Variants in ZNF385D observed in about 807,000 individuals in gnomAD.
The protein encoded by ZNF385D is zinc finger protein 659.
ZNF385D carries 15 observed loss-of-function variants against 35.8 expected under a neutral mutation model. The ratio of observed to expected loss-of-function variants is 0.42; its 90% CI spans 0.28 to 0.64. ZNF385D has a LOEUF of 0.64. ZNF385D is among the 30% of genes least tolerant of loss of function. The pLI is 0.23. For missense variants in ZNF385D, 474 were observed against 494.6 expected (o/e 0.96, Z 0.39); for synonymous variants, 212 against 186.8 (o/e 1.13, Z -1.10).
chr3:21,922,158 T>C (rs1461369432), intron 3 of ZNF385D, among the ~76,000 whole-genome samples: 1 of 151,752 alleles, frequency 6.6e-6, no homozygotes, highest in Admixed American at 6.6e-5. Flanking sequence ...AATGGAAAAA[T>C]AGTCCATGCT....
At chr3:21,693,035 T>A (rs967201275) in intron 1 of ZNF385D, among the ~76,000 whole-genome samples, 2 of 152,236 alleles carry the variant, frequency 1.3e-5, no homozygotes, top group Admixed American at 1.3e-4. Flanking sequence ...TTTCCAGTTA[T>A]ATTTGTGGCA....
At chr3:21,781,450 T>G (rs1165878981) in intron 3 of ZNF385D, among the ~76,000 whole-genome samples, 2 of 152,074 alleles carry the variant, frequency 1.3e-5, no homozygotes, top group Non-Finnish European at 2.9e-5. Flanking sequence ...AAACATTAAA[T>G]GTATCAAAGA....
At chr3:21,605,814 C>T (rs28500731) in intron 2 of ZNF385D, among the ~76,000 whole-genome samples, 1,672 of 151,834 alleles carry the variant, frequency 0.011, 31 homozygotes, top group African/African-American at 0.037. Flanking sequence ...AGATTCTTAC[C>T]CTGATCTTTA....
intron 3 of ZNF385D, among the ~76,000 whole-genome samples, chr3:21,921,619 GAA>G (rs1405233823): frequency 6.6e-6 from 1 of 151,764 alleles, no homozygotes; most frequent in East Asian, 1.9e-4. Flanking sequence ...AGTAGATGGA[GAA>G]AACACCTAAA....
At chr3:21,549,988 G>GC (rs1390202705) in intron 3 of ZNF385D, among the ~76,000 whole-genome samples, 1 of 152,086 alleles carries the variant, frequency 6.6e-6, no homozygotes, top group African/African-American at 2.4e-5. Flanking sequence ...TGCAACTGAG[G>GC]CCCTCAAAAT....
intron 3 of ZNF385D, among the ~76,000 whole-genome samples, chr3:21,918,511 A>G (rs1198775581): frequency 6.6e-6 from 1 of 152,064 alleles, no homozygotes; most frequent in Non-Finnish European, 1.5e-5. Flanking sequence ...TGAATGATAT[A>G]TTTTCATTAC....
chr3:22,169,810 T>A (rs1313313198), intron 2 of ZNF385D, among the ~76,000 whole-genome samples: 1 of 152,178 alleles, frequency 6.6e-6, no homozygotes. Context: ...TATTTCTTTA[T>A]TTGAGACAGG....
intron 3 of ZNF385D, among the ~76,000 whole-genome samples, chr3:21,920,264 A>T (rs1271089533): frequency 6.6e-6 from 1 of 152,168 alleles, no homozygotes; most frequent in African/African-American, 2.4e-5. Flanking sequence ...TTGTGACTTA[A>T]CACTATGACC....
chr3:22,230,238 C>T (rs146326608), intron 2 of ZNF385D, among the ~76,000 whole-genome samples: 1 of 152,280 alleles, frequency 6.6e-6, no homozygotes, highest in African/African-American at 2.4e-5. Flanking sequence ...ACCAACAGAA[C>T]TGACCTAAAC....
chr3:21,603,883 G>T (rs904434627), intron 2 of ZNF385D, among the ~76,000 whole-genome samples: 7 of 152,166 alleles, frequency 4.6e-5, no homozygotes, highest in Admixed American at 4.6e-4. Context: ...ACATGGTAGG[G>T]AGGCATAGCC....
At chr3:21,540,230 A>C (rs796869120) in intron 3 of ZNF385D, among the ~76,000 whole-genome samples, 6 of 152,200 alleles carry the variant, frequency 3.9e-5, no homozygotes, top group African/African-American at 1.4e-4. Flanking sequence ...ACAATATAGC[A>C]CAAACAATCA....
At chr3:22,293,900 T>C (rs559249393) in intron 2 of ZNF385D, among the ~76,000 whole-genome samples, 225 of 152,266 alleles carry the variant, frequency 1.5e-3, no homozygotes, top group Admixed American at 2.6e-3. Flanking sequence ...AGCACTGGTC[T>C]TAGGGTTCAT....
At chr3:21,953,445 G>C (rs1002406221) in intron 3 of ZNF385D, among the ~76,000 whole-genome samples, 1 of 151,580 alleles carries the variant, frequency 6.6e-6, no homozygotes, top group Non-Finnish European at 1.5e-5. Context: ...TGCTATATTT[G>C]AAACTTCCTG....
rs185632290 is a variant in ZNF385D, at chr3:22,226,197, A to G, written c.107-57162T>C. 7.4e-3 allele frequency among the ~76,000 whole-genome samples: 860 copies of G among 116,686 alleles called. 5 individuals are homozygous for G. Among genetic ancestry groups the G allele is most frequent in the African/African-American group, 0.023 (804 of 34,942 alleles). The allele number at this position is 116,686 out of a possible 152,430, so 76.6% of individuals were successfully genotyped here. On this transcript the variant is annotated intron_variant, in intron 2 of 5. Transcript: ENST00000494108. Reference sequence around the variant, plus strand: ...TCCATTTCCAAGTTTGATCCTATATAAAAAATATCCTCAATTCCTTTTTTA... The same window carrying G: ...TCCATTTCCAAGTTTGATCCTATATGAAAAATATCCTCAATTCCTTTTTTA...
intron 1 of ZNF385D, among the ~76,000 whole-genome samples, chr3:21,682,705 C>T (rs925133614): frequency 6.7e-6 from 1 of 149,866 alleles, no homozygotes; most frequent in Non-Finnish European, 1.5e-5. Flanking sequence ...AAGTAATCTA[C>T]TTCCTGAGCA....
intron 3 of ZNF385D, among the ~76,000 whole-genome samples, chr3:22,112,239 TC>T (rs1237625306): frequency 1.3e-5 from 2 of 152,140 alleles, no homozygotes; most frequent in African/African-American, 4.8e-5. Flanking sequence ...TTTAAACCTC[TC>T]CTTTTTGCAT....
At chr3:22,000,560 C>A (rs2125413686) in intron 3 of ZNF385D, among the ~76,000 whole-genome samples, 1 of 151,950 alleles carries the variant, frequency 6.6e-6, no homozygotes, top group African/African-American at 2.4e-5. Context: ...TATGGAATAC[C>A]CATTATTTTA....
chr3:22,138,676 T>C (rs1704309653), intron 3 of ZNF385D, among the ~76,000 whole-genome samples: 1 of 152,062 alleles, frequency 6.6e-6, no homozygotes, highest in Non-Finnish European at 1.5e-5. Flanking sequence ...TCAAGATGGA[T>C]AAAAGACTTA....
At chr3:21,801,124 G>C (rs1443881562) in intron 3 of ZNF385D, among the ~76,000 whole-genome samples, 1 of 151,912 alleles carries the variant, frequency 6.6e-6, no homozygotes, top group Non-Finnish European at 1.5e-5. Context: ...TTATTACATT[G>C]ATTCATTGAT....
Sources: gnomAD v4.1 joint callset for allele counts (sites outside exome capture counted in the v4.1 genomes callset) on GRCh38, gnomAD v4.1.1 for gene constraint, MANE v1.5 for transcripts, NCBI Gene and HGNC (gene_info 2026-07-23, HGNC 2026-07-21) for gene names.